CEP120: variants seen among roughly 807,000 people sequenced by gnomAD.
CEP120 encodes the protein centrosomal protein of 120 kDa.
In CEP120, 113 loss-of-function variants were observed where a neutral mutation model predicts 126.5. The observed-to-expected ratio is 0.89, with a 90% CI of 0.77 to 1.04. The LOEUF (loss-of-function observed/expected upper bound fraction) is 1.04. Ranked by LOEUF, CEP120 falls within the 50% of genes least tolerant of loss-of-function variation. The probability of loss-of-function intolerance (pLI) is 0.00; values close to 1 mark genes in which losing one functional copy is unlikely to be tolerated. For synonymous variants in CEP120, 400 were observed against 394.3 expected (o/e 1.01, Z -0.17); for missense variants, 1,230 against 1,155.7 (o/e 1.06, Z -0.93).
chr5:123,411,667 A>G (rs972290824), intron 4 of CEP120, among the ~76,000 whole-genome samples: 1 of 152,248 alleles, frequency 6.6e-6, no homozygotes. Flanking sequence ...AAAAAGATCA[A>G]TAGCTGCCAA....
intron 4 of CEP120, among the ~76,000 whole-genome samples, chr5:123,410,667 C>A (rs79146922): frequency 0.013 from 1,942 of 152,296 alleles, 16 homozygotes; most frequent in Non-Finnish European, 0.022. Context: ...ACCTTACAAC[C>A]TTTCCAAAAA....
intron 14 of CEP120, among the ~76,000 whole-genome samples, chr5:123,380,887 A>C (rs1334583320): frequency 1.3e-5 from 2 of 152,118 alleles, no homozygotes; most frequent in African/African-American, 4.8e-5. Flanking sequence ...ATAATGTTAA[A>C]ATGTATGTCA....
intron 4 of CEP120, among the ~76,000 whole-genome samples, chr5:123,409,075 A>G (rs1773875136): frequency 6.6e-6 from 1 of 152,140 alleles, no homozygotes; most frequent in Admixed American, 6.5e-5. Flanking sequence ...ATAATTATAC[A>G]CCATGATCAA....
Position 123,385,170 on chromosome 5 carries a change from C to A in CEP120, c.1581-37G>T, listed in dbSNP as rs1175796794. The A allele has an allele frequency of 2.0e-6, 3 of 1,494,256 alleles. No homozygotes were observed. The African/African-American group carries it at 4.3e-5, about 21-fold the overall frequency. 92.6% of individuals were successfully genotyped at this position (1,494,256 alleles called of 1,614,324 possible). A position where few individuals can be genotyped will look rare whatever the true frequency, so the allele number is the denominator to read the frequency against. ...AGAAACATGTGTTCATACCTATCAACTCTGACCTAAAGTCTTTTCTGAACT... is the reference window on the plus strand; with the variant it reads ...AGAAACATGTGTTCATACCTATCAAATCTGACCTAAAGTCTTTTCTGAACT... On this transcript the variant is annotated intron_variant, in intron 10 of 19. Coordinates refer to ENST00000306467, the MANE Select transcript of CEP120 (RefSeq NM_001375405.1).
chr5:123,416,190 T>C, intron 2 of CEP120, 66 bp from the exon 3 acceptor site: 1 of 844,100 alleles, frequency 1.2e-6, no homozygotes, highest in Non-Finnish European at 1.9e-6. Context: ...GCCTTGAAAA[T>C]ATTTCCTATT....
chr5:123,357,333 G>GA (rs1217840596), intron 18 of CEP120, among the ~76,000 whole-genome samples: 1 of 151,820 alleles, frequency 6.6e-6, no homozygotes, highest in Non-Finnish European at 1.5e-5. Context: ...TTTACTTTTG[G>GA]AAAATTCTTA....
Position 123,399,237 on chromosome 5 carries a change from G to T in CEP120, c.511C>A (p.Leu171Met). ...TGATGGTAGCCTCCCTCTTCATTCA[G>T]CACAGCCACAATGTCCCTGGGGTCA... ...GLDPRDIVAV[L>M]NEEGGYHQIG... The change falls in exon 5 of 20, where the codon CTG becomes ATG. Residue 171 changes from leucine (L) to methionine (M), a missense_variant. By Grantham distance (15) the Leu-to-Met change is conservative. Coordinates refer to ENST00000306467, the MANE Select transcript of CEP120 (RefSeq NM_001375405.1). 2.5e-6 allele frequency: 4 copies of T among 1,614,036 alleles called. No individual in the cohort carries two copies. The highest frequency in any genetic ancestry group is 3.4e-6 in the Non-Finnish European group (4 of 1,179,908).
intron 18 of CEP120, among the ~76,000 whole-genome samples, chr5:123,359,112 CAG>C (rs1158461879): frequency 2.0e-5 from 3 of 152,148 alleles, no homozygotes; most frequent in African/African-American, 7.2e-5. Flanking sequence ...ATTAATTACT[CAG>C]AGTGGATAAG....
At chr5:123,389,651 C>T (rs1772256953) in intron 8 of CEP120, among the ~76,000 whole-genome samples, 2 of 152,110 alleles carry the variant, frequency 1.3e-5, no homozygotes, top group Admixed American at 1.3e-4. Context: ...CAGGCATGCA[C>T]CACCACGCCT....
chr5:123,419,115 G>A (rs1471533125), intron 1 of CEP120, among the ~76,000 whole-genome samples: 1 of 152,142 alleles, frequency 6.6e-6, no homozygotes, highest in African/African-American at 2.4e-5. Flanking sequence ...TTTAGGGTGG[G>A]CCTAAGATTC....
Position 123,412,454 on chromosome 5 carries a change from T to C in CEP120, c.408A>G (p.Thr136=). 6.2e-7 allele frequency: 1 copy of C among 1,611,986 alleles called. No individual in the cohort carries two copies. The change falls in exon 4 of 20, where the codon ACA becomes ACG. Residue 136 remains threonine, a synonymous_variant. Transcript: ENST00000306467. ...IQISIALETD[T]KPPVDSFKAK... ...CTTTAAAGCTATCCACTGGTGGCTT[T>C]GTATCGGTTTCCAAAGCAATACTTA... is the stretch of plus-strand genomic sequence containing the variant.
chr5:123,407,037 A>G (rs1469090608), intron 4 of CEP120, among the ~76,000 whole-genome samples: 1 of 151,856 alleles, frequency 6.6e-6, no homozygotes, highest in Non-Finnish European at 1.5e-5. Flanking sequence ...CTTCAAAGTA[A>G]AAGCAGTATA....
In CEP120 at chr5:123,391,141, A is replaced by G. The variant is rs369012550; in HGVS notation, c.1007T>C (p.Val336Ala). The G allele has an allele frequency of 1.2e-6, 2 of 1,614,032 alleles. No homozygotes were observed. Among genetic ancestry groups the G allele is most frequent in the African/African-American group, 2.7e-5 (2 of 74,934 alleles). ...VELAPTVGVSVALQREGIDSQ... is the reference protein window; with the variant it reads ...VELAPTVGVSAALQREGIDSQ... ...GTCTATGCCTTCTCTCTGCAGAGCCACAGACACTCCCACAGTTGGGGCTAG... is the reference window on the plus strand; with the variant it reads ...GTCTATGCCTTCTCTCTGCAGAGCCGCAGACACTCCCACAGTTGGGGCTAG... The change falls in exon 7 of 20, where the codon GTG becomes GCG. Residue 336 changes from valine to alanine, a missense_variant. Coordinates refer to ENST00000306467, the MANE Select transcript of CEP120 (RefSeq NM_001375405.1).
intron 13 of CEP120, 152 bp downstream of exon 13, chr5:123,382,585 G>T: frequency 1.5e-6 from 1 of 668,822 alleles, no homozygotes; most frequent in Non-Finnish European, 2.3e-6. Flanking sequence ...GGTATTTTTT[G>T]ATTCTCAAAT....
chr5:123,415,686 C>A lies in CEP120; in HGVS notation c.321+324G>T, dbSNP rs761768039. 1.6e-3 allele frequency among the ~76,000 whole-genome samples: 237 copies of A among 152,142 alleles called. 1 individual carries two copies. Among genetic ancestry groups the A allele is most frequent in the Non-Finnish European group, 1.9e-3 (131 of 67,988 alleles). On this transcript the variant is annotated intron_variant, in intron 3 of 19. Transcript: ENST00000306467. ...GTGAGGAGTTTGAAACCAGCCTGGC[C>A]AACATAGCAAAACCCCATCACTAAA...
At chr5:123,395,947 G>T (rs1279870786) in intron 5 of CEP120, among the ~76,000 whole-genome samples, 2 of 149,982 alleles carry the variant, frequency 1.3e-5, no homozygotes, top group African/African-American at 2.5e-5. Flanking sequence ...CTCCCAAAGT[G>T]CTGGGATTAC....
intron 18 of CEP120, among the ~76,000 whole-genome samples, chr5:123,358,036 C>T (rs1388282642): frequency 6.6e-6 from 1 of 152,084 alleles, no homozygotes; most frequent in African/African-American, 2.4e-5. Flanking sequence ...GCTATAAATA[C>T]TACTGAAACT....
chr5:123,388,641 A>G, intron 8 of CEP120, 35 bp from the exon 9 acceptor site: 1 of 1,459,918 alleles, frequency 6.8e-7, no homozygotes, highest in Non-Finnish European at 9.1e-7. Flanking sequence ...AAATAATCAC[A>G]CTTGCTAACA....
At chr5:123,371,827 T>G (rs1208774394) in intron 17 of CEP120, among the ~76,000 whole-genome samples, 1 of 152,068 alleles carries the variant, frequency 6.6e-6, no homozygotes, top group Non-Finnish European at 1.5e-5. Context: ...CAAAGCTGAG[T>G]AGGAAAAGAT....
Sources: gnomAD v4.1 joint callset for allele counts (sites outside exome capture counted in the v4.1 genomes callset) on GRCh38, gnomAD v4.1.1 for gene constraint, MANE v1.5 for transcripts, NCBI Gene and HGNC (gene_info 2026-07-23, HGNC 2026-07-21) for gene names.